VTA1: variants seen among roughly 807,000 people sequenced by gnomAD.
The protein encoded by VTA1 is vesicle trafficking 1.
VTA1 carries 24 observed loss-of-function variants against 36.9 expected under a neutral mutation model. That is an observed-to-expected ratio of 0.65 (90% CI 0.47 to 0.91). VTA1 has a LOEUF of 0.91. Ranked by LOEUF, VTA1 falls within the 40% of genes least tolerant of loss-of-function variation. The probability of loss-of-function intolerance (pLI) is 0.00; values close to 1 mark genes in which losing one functional copy is unlikely to be tolerated. For synonymous variants in VTA1, 142 were observed against 130.2 expected (o/e 1.09, Z -0.62); for missense variants, 393 against 377.2 (o/e 1.04, Z -0.35).
intron 1 of VTA1, among the ~76,000 whole-genome samples, chr6:142,147,870 A>C (rs1346912184): frequency 6.6e-6 from 1 of 152,174 alleles, no homozygotes; most frequent in Non-Finnish European, 1.5e-5. Context: ...CATTTGGTTA[A>C]ATGGGGAGTA....
rs17071506 is a variant in VTA1 at position 142,156,267 on chromosome 6, A to G, written c.112+8868A>G. Among the ~76,000 whole-genome samples the G allele has an allele frequency of 4.4e-3, 672 of 152,336 alleles. 38 individuals carry two copies. The East Asian group carries it at 0.1, about 23-fold the overall frequency. Reference sequence around the variant, plus strand: ...GAAAAATTGTTGGTAGTAGCTAGTAATTAGAGAACCAGTTATTGAGTGAGC... The same window carrying G: ...GAAAAATTGTTGGTAGTAGCTAGTAGTTAGAGAACCAGTTATTGAGTGAGC... On this transcript the variant is annotated intron_variant, in intron 1 of 7. Coordinates refer to ENST00000367630, the MANE Select transcript of VTA1 (RefSeq NM_016485.5).
chr6:142,209,890 A>G (rs1370385048), intron 7 of VTA1, among the ~76,000 whole-genome samples: 1 of 152,106 alleles, frequency 6.6e-6, no homozygotes, highest in Non-Finnish European at 1.5e-5. Flanking sequence ...TTCTTCACAG[A>G]ATGACATTTT....
intron 1 of VTA1, among the ~76,000 whole-genome samples, chr6:142,158,342 G>C (rs1039536853): frequency 6.6e-6 from 1 of 152,040 alleles, no homozygotes; most frequent in Non-Finnish European, 1.5e-5. Context: ...CTAACCTATC[G>C]TTTATGGCCT....
chr6:142,148,126 T>C (rs1377604882), intron 1 of VTA1, among the ~76,000 whole-genome samples: 1 of 152,220 alleles, frequency 6.6e-6, no homozygotes, highest in Admixed American at 6.5e-5. Flanking sequence ...TTATTTTGTA[T>C]TCTGTACTCT....
intron 7 of VTA1, among the ~76,000 whole-genome samples, chr6:142,216,442 T>C (rs1284213009): frequency 6.6e-6 from 1 of 152,172 alleles, no homozygotes; most frequent in Non-Finnish European, 1.5e-5. Flanking sequence ...GCTTAATTTT[T>C]CATTGTTGAA....
chr6:142,203,959 C>T (rs759867138), intron 6 of VTA1, 26 bp from the exon 7 acceptor site: 2 of 1,595,732 alleles, frequency 1.3e-6, no homozygotes, highest in Non-Finnish European at 8.6e-7. Context: ...TACTTCTATG[C>T]CCATTTTTGC....
intron 6 of VTA1, among the ~76,000 whole-genome samples, chr6:142,199,135 C>T (rs548881070): frequency 3.1e-4 from 39 of 125,766 alleles, no homozygotes; most frequent in South Asian, 2.1e-3. Context: ...AGCAGGGATT[C>T]GGATTTTTTT....
rs140117517 is a variant in VTA1 at position 142,195,446 on chromosome 6, T to C, written c.521-2993T>C. Among the ~76,000 whole-genome samples, 118 of 152,096 alleles carry C rather than the reference T, an allele frequency of 7.8e-4. 1 individual carries two copies. The highest frequency in any genetic ancestry group is 2.7e-3 in the African/African-American group (112 of 41,550). ...TCACCTCCTTCATTTCTCATATTCA[T>C]AATAGCTGTTTCCTCTTTTTCCTCC... On this transcript the variant is annotated intron_variant, in intron 5 of 7. Coordinates refer to ENST00000367630, the MANE Select transcript of VTA1 (RefSeq NM_016485.5).
Position 142,220,360 on chromosome 6 carries a change from T to C in VTA1, c.*1717T>C, listed in dbSNP as rs1776085299. 1 of 152,154 alleles carries C rather than the reference T, an allele frequency of 6.6e-6. No homozygotes were observed. The highest frequency in any genetic ancestry group is 1.5e-5 in the Non-Finnish European group (1 of 68,024). 9.4% of individuals were successfully genotyped at this position (152,154 alleles called of 1,614,324 possible). A position where few individuals can be genotyped will look rare whatever the true frequency, so the allele number is the denominator to read the frequency against. On this transcript the variant is annotated 3_prime_UTR_variant, in exon 8 of 8. Transcript: ENST00000367630. ...AAAGTAAACGCATCACCTCCTATTT[T>C]ATACCCTACCTTCTGGTTCCCAATT...
intron 7 of VTA1, among the ~76,000 whole-genome samples, chr6:142,208,245 A>T (rs1392055841): frequency 6.6e-6 from 1 of 152,156 alleles, no homozygotes; most frequent in Non-Finnish European, 1.5e-5. Context: ...TATTGGAATA[A>T]TTTTTCAAAA....
chr6:142,169,457 A>G, intron 2 of VTA1, 93 bp from the exon 3 acceptor site: 3 of 1,337,192 alleles, frequency 2.2e-6, no homozygotes, highest in Non-Finnish European at 3.1e-6. Context: ...AATGTAAAAT[A>G]ATTTACTTAA....
At chr6:142,178,314 C>T (rs1186545153) in intron 4 of VTA1, among the ~76,000 whole-genome samples, 1 of 151,844 alleles carries the variant, frequency 6.6e-6, no homozygotes, top group Non-Finnish European at 1.5e-5. Flanking sequence ...AAAAATAAAA[C>T]AAATGAACAA....
In VTA1 at chr6:142,200,685, A is replaced by G. The variant is rs527869234; in HGVS notation, c.697+2070A>G. Among the ~76,000 whole-genome samples the G allele has an allele frequency of 2.6e-5, 4 of 152,160 alleles. No homozygotes were observed. The East Asian group carries it at 7.7e-4, about 29-fold the overall frequency. Reference sequence around the variant, plus strand: ...TGGCTAGAATATTCATGACATAAAGATAAATATTAGGTGGTTTTCCATTAG... The same window carrying G: ...TGGCTAGAATATTCATGACATAAAGGTAAATATTAGGTGGTTTTCCATTAG... On this transcript the variant is annotated intron_variant, in intron 6 of 7. Coordinates refer to ENST00000367630, the MANE Select transcript of VTA1 (RefSeq NM_016485.5).
intron 7 of VTA1, among the ~76,000 whole-genome samples, chr6:142,205,302 C>A (rs902870550): frequency 6.6e-6 from 1 of 152,146 alleles, no homozygotes; most frequent in Non-Finnish European, 1.5e-5. Context: ...TCTTTCTCTT[C>A]TCCTTTTTAA....
At chr6:142,148,706 A>T (rs1278470530) in intron 1 of VTA1, among the ~76,000 whole-genome samples, 2 of 152,196 alleles carry the variant, frequency 1.3e-5, no homozygotes, top group East Asian at 3.8e-4. Context: ...GAATAAGAGT[A>T]TCAGGAGTAG....
intron 4 of VTA1, among the ~76,000 whole-genome samples, chr6:142,179,679 A>G (rs1362680515): frequency 6.6e-6 from 1 of 152,220 alleles, no homozygotes; most frequent in Non-Finnish European, 1.5e-5. Context: ...GGGAAGGGAT[A>G]TAAATAGAAG....
chr6:142,176,763 G>A (rs2114652010), intron 4 of VTA1, among the ~76,000 whole-genome samples: 1 of 152,288 alleles, frequency 6.6e-6, no homozygotes, highest in South Asian at 2.1e-4. Context: ...TCCAGTTTCA[G>A]TATTATGTTG....
At position 142,187,545 on chromosome 6, in the gene VTA1, A is replaced by G. The variant is rs147649901; in HGVS notation, c.412-1881A>G. On this transcript the variant is annotated intron_variant, in intron 4 of 7. Coordinates refer to ENST00000367630, the MANE Select transcript of VTA1 (RefSeq NM_016485.5). ...TTTGTGTTACTGGAGAATATGAACT[A>G]TACAGAAAAGAAATATACCCTCCCC... Among the ~76,000 whole-genome samples, 47 of 152,332 alleles carry G rather than the reference A, an allele frequency of 3.1e-4. 1 individual carries two copies. Among genetic ancestry groups the G allele is most frequent in the African/African-American group, 1.1e-3 (46 of 41,578 alleles).
At chr6:142,159,592 C>A (rs1774753727) in intron 1 of VTA1, among the ~76,000 whole-genome samples, 1 of 151,056 alleles carries the variant, frequency 6.6e-6, no homozygotes, top group Non-Finnish European at 1.5e-5. Context: ...CAGCTCACTG[C>A]AACTTCTGCC....
Sources: gnomAD v4.1 joint callset for allele counts (sites outside exome capture counted in the v4.1 genomes callset) on GRCh38, gnomAD v4.1.1 for gene constraint, MANE v1.5 for transcripts, NCBI Gene and HGNC (gene_info 2026-07-23, HGNC 2026-07-21) for gene names.